The following PHACTR4 variants were observed in gnomAD, a reference collection of about 807,000 sequenced individuals.
The protein encoded by PHACTR4 is phosphatase and actin regulator 4.
Under a neutral mutation model 72.7 loss-of-function variants are expected in PHACTR4, and 51 were observed. That is an observed-to-expected ratio of 0.70 (90% CI 0.56 to 0.89). The LOEUF is 0.89. Ranked by LOEUF, PHACTR4 falls within the 40% of genes least tolerant of loss-of-function variation. The pLI is 0.00. For synonymous variants in PHACTR4, 255 were observed against 302.5 expected (o/e 0.84, Z 1.63); for missense variants, 731 against 861.8 (o/e 0.85, Z 1.90).
At chr1:28,377,547 G>A (rs984575648) in intron 1 of PHACTR4, among the ~76,000 whole-genome samples, 3 of 152,048 alleles carry the variant, frequency 2.0e-5, no homozygotes, top group African/African-American at 7.2e-5. Context: ...GCCCATCAAA[G>A]CTTTTTGAAA....
intron 10 of PHACTR4, 62 bp from the exon 11 acceptor site, chr1:28,490,889 A>T (rs1318804414): frequency 6.7e-7 from 1 of 1,485,460 alleles, no homozygotes; most frequent in Non-Finnish European, 9.4e-7. Flanking sequence ...AATTACTAAA[A>T]CGTTTGATAT....
At chr1:28,479,049 C>T (rs946889449) in intron 8 of PHACTR4, among the ~76,000 whole-genome samples, 1 of 152,044 alleles carries the variant, frequency 6.6e-6, no homozygotes, top group Non-Finnish European at 1.5e-5. Context: ...TTTGGGAGGC[C>T]GAGGCCGGTG....
chr1:28,393,535 G>A (rs1557783450), intron 1 of PHACTR4, among the ~76,000 whole-genome samples: 1 of 152,148 alleles, frequency 6.6e-6, no homozygotes, highest in Non-Finnish European at 1.5e-5. Context: ...TTGTGGTAAT[G>A]CTGGTAGTAA....
intron 1 of PHACTR4, among the ~76,000 whole-genome samples, chr1:28,381,827 C>G (rs948809678): frequency 2.6e-5 from 4 of 152,166 alleles, no homozygotes; most frequent in African/African-American, 9.7e-5. Context: ...GGTTGGAGTG[C>G]AATGGCACAA....
At chr1:28,394,871 C>A (rs976589521) in intron 1 of PHACTR4, among the ~76,000 whole-genome samples, 2 of 150,540 alleles carry the variant, frequency 1.3e-5, no homozygotes, top group African/African-American at 4.9e-5. Context: ...GCTGGGATTA[C>A]TGGGGTGAGC....
intron 1 of PHACTR4, among the ~76,000 whole-genome samples, chr1:28,378,295 A>T (rs1382033935): frequency 6.8e-6 from 1 of 147,300 alleles, no homozygotes; most frequent in Non-Finnish European, 1.5e-5. Flanking sequence ...TGAGGTCAGG[A>T]GTTCGAGACC....
chr1:28,460,142 T>C, intron 3 of PHACTR4, 70 bp from the exon 4 acceptor site: 1 of 1,004,650 alleles, frequency 1.0e-6, no homozygotes, highest in Non-Finnish European at 1.5e-6. Context: ...CCTGTAGAAT[T>C]AGAATGCTAA....
chr1:28,463,217 G>A lies in PHACTR4; in HGVS notation c.272-2468G>A, dbSNP rs1389767790. On this transcript the variant is annotated intron_variant, in intron 4 of 13. Coordinates refer to ENST00000373839, the MANE Select transcript of PHACTR4 (RefSeq NM_001048183.3). Reference sequence around the variant, plus strand: ...CCTGTTTTTTTTTTTAAAAAAAGGTGGCTTTTGGCTTGATTATAGTGCTAA... The same window carrying A: ...CCTGTTTTTTTTTTTAAAAAAAGGTAGCTTTTGGCTTGATTATAGTGCTAA... Among the ~76,000 whole-genome samples, 3 of 151,890 alleles carry A rather than the reference G, an allele frequency of 2.0e-5. No individual in the cohort carries two copies. In the East Asian group the frequency reaches 5.8e-4, roughly 29 times the overall value.
chr1:28,389,939 CAA>C (rs1270331072), intron 1 of PHACTR4, among the ~76,000 whole-genome samples: 2 of 152,138 alleles, frequency 1.3e-5, no homozygotes, highest in Non-Finnish European at 2.9e-5. Context: ...GCATTATTCA[CAA>C]GAGCCAAGAT....
chr1:28,396,526 G>A (rs1168201596), intron 1 of PHACTR4, among the ~76,000 whole-genome samples: 1 of 150,162 alleles, frequency 6.7e-6, no homozygotes, highest in African/African-American at 2.4e-5. Flanking sequence ...GCGAAACTCT[G>A]TCTCAAAAAA....
chr1:28,454,451 T>C (rs988952219), intron 2 of PHACTR4, among the ~76,000 whole-genome samples: 1 of 151,910 alleles, frequency 6.6e-6, no homozygotes, highest in Non-Finnish European at 1.5e-5. Context: ...TAATTTTTTG[T>C]ATTTTTAGTA....
At chr1:28,491,853 G>T (rs755288366) in intron 12 of PHACTR4, 66 bp downstream of exon 12, 36 of 1,536,546 alleles carry the variant, frequency 2.3e-5, no homozygotes, top group Non-Finnish European at 3.1e-5. Flanking sequence ...GAGGATCCAA[G>T]ATACTAACTA....
At chr1:28,387,472 T>G (rs1652651613) in intron 1 of PHACTR4, among the ~76,000 whole-genome samples, 1 of 152,160 alleles carries the variant, frequency 6.6e-6, no homozygotes, top group South Asian at 2.1e-4. Flanking sequence ...ATAAAAGGAC[T>G]TTCTTCTTCC....
chr1:28,490,757 C>A (rs760597660), intron 10 of PHACTR4, among the ~76,000 whole-genome samples, 194 bp from the exon 11 acceptor site: 14 of 151,210 alleles, frequency 9.3e-5, no homozygotes, highest in Non-Finnish European at 1.6e-4. Flanking sequence ...ACAGGAGAAT[C>A]GCTTGAACTC....
At chr1:28,382,297 C>G (rs1018371018) in intron 1 of PHACTR4, among the ~76,000 whole-genome samples, 2 of 151,856 alleles carry the variant, frequency 1.3e-5, no homozygotes, top group Non-Finnish European at 2.9e-5. Flanking sequence ...TTTGGTGTCT[C>G]TGTCATGAAA....
intron 4 of PHACTR4, among the ~76,000 whole-genome samples, chr1:28,464,126 C>T (rs61785965): frequency 2.6e-5 from 4 of 151,578 alleles, no homozygotes; most frequent in Admixed American, 6.6e-5. Flanking sequence ...CCACCACACC[C>T]GAATAATTTT....
Position 28,499,045 on chromosome 1 carries a change from G to T in PHACTR4, c.*2496G>T, listed in dbSNP as rs1381503472. 7.1e-6 allele frequency: 1 copy of T among 141,622 alleles called. No individual in the cohort carries two copies. The highest frequency in any genetic ancestry group is 1.5e-5 in the Non-Finnish European group (1 of 66,058). 8.8% of individuals were successfully genotyped at this position (141,622 alleles called of 1,614,324 possible). A position where few individuals can be genotyped will look rare whatever the true frequency, so the allele number is the denominator to read the frequency against. On this transcript the variant is annotated 3_prime_UTR_variant, in exon 14 of 14. Coordinates refer to ENST00000373839, the MANE Select transcript of PHACTR4 (RefSeq NM_001048183.3). ...ATTGCACCACTGCACTCCAGCCTGG[G>T]CAACAGAGCGAGACTCCATCAAAAA...
intron 2 of PHACTR4, among the ~76,000 whole-genome samples, chr1:28,434,313 AAGAATCCTTTCTTTTTTTTTTTT>A: frequency 7.0e-6 from 1 of 142,030 alleles, no homozygotes; most frequent in East Asian, 1.9e-4. Context: ...AAAGATTGCT[AAGAATCCTTTCTTTTTTTTTTTT>A]TTGAGATGGA....
chr1:28,444,665 G>A (rs576191931), intron 2 of PHACTR4, among the ~76,000 whole-genome samples: 5 of 150,820 alleles, frequency 3.3e-5, no homozygotes, highest in African/African-American at 1.2e-4. Context: ...GGCCAGGCTG[G>A]AGTGCAGTGG....
Sources: allele counts gnomAD v4.1 joint callset (sites outside exome capture counted in the v4.1 genomes callset), GRCh38; gene constraint gnomAD v4.1.1; transcripts MANE v1.5; gene names NCBI Gene and HGNC (gene_info 2026-07-23, HGNC 2026-07-21).